CFAP47: variants seen among roughly 807,000 people sequenced by gnomAD.
CFAP47 encodes cilia and flagella associated protein 47.
CFAP47 carries 29 observed loss-of-function variants against 148.1 expected under a neutral mutation model. The ratio of observed to expected loss-of-function variants is 0.20; its 90% CI spans 0.15 to 0.27. The LOEUF (loss-of-function observed/expected upper bound fraction) is 0.27. Among genes scored for constraint, CFAP47 ranks in the 10% least tolerant of loss-of-function variants. The probability of loss-of-function intolerance (pLI) is 1.00; values close to 1 mark genes in which losing one functional copy is unlikely to be tolerated. For missense variants in CFAP47, 1,872 were observed against 1,697.5 expected, an observed-to-expected ratio of 1.10 and a Z score of -1.81; for synonymous variants, 664 against 577.3, an observed-to-expected ratio of 1.15 and a Z score of -2.15.
chrX:36,205,955 T>G (rs942510251), intron 45 of CFAP47, among the ~76,000 whole-genome samples: 3 of 111,516 alleles, frequency 2.7e-5, no homozygotes, highest in Admixed American at 1.9e-4. Flanking sequence ...CCTGAAAGGG[T>G]GATTACAACT....
At chrX:36,185,789 G>T (rs1569283669) in intron 40 of CFAP47, among the ~76,000 whole-genome samples, 1 of 111,408 alleles carries the variant, frequency 9.0e-6, no homozygotes, top group Non-Finnish European at 1.9e-5. Context: ...CTTATTATGT[G>T]CTCATATGAC....
At chrX:36,035,222 A>G (rs1405085001) in intron 23 of CFAP47, among the ~76,000 whole-genome samples, 1 of 111,790 alleles carries the variant, frequency 8.9e-6, no homozygotes, top group Non-Finnish European at 1.9e-5. Flanking sequence ...TTTATCACCT[A>G]GAGTACATTA....
intron 63 of CFAP47, 153 bp downstream of exon 63, chrX:36,379,671 T>C: frequency 2.1e-6 from 1 of 467,626 alleles, no homozygotes; most frequent in Non-Finnish European, 3.7e-6. Flanking sequence ...CATCTTGGTT[T>C]ACCTTTCTTT....
chrX:36,371,902 GTATA>G (rs782638320), intron 62 of CFAP47, among the ~76,000 whole-genome samples: 3 of 74,796 alleles, frequency 4.0e-5, no homozygotes, highest in African/African-American at 2.3e-4. Context: ...ACACACATGT[GTATA>G]TATGTGTGTA....
chrX:35,950,618 C>A (rs775682506), intron 4 of CFAP47, among the ~76,000 whole-genome samples: 119 of 111,025 alleles, frequency 1.1e-3, no homozygotes, highest in African/African-American at 3.8e-3. Flanking sequence ...AAGCAATTCT[C>A]CCTCCTTGGC....
chrX:35,972,986 C>T (rs1429922153), intron 13 of CFAP47, among the ~76,000 whole-genome samples: 1 of 111,802 alleles, frequency 8.9e-6, no homozygotes, highest in Non-Finnish European at 1.9e-5. Context: ...AGTTCTTCAA[C>T]ATTCTCACCA....
chrX:36,001,019 A>G (rs1359400918), intron 20 of CFAP47, among the ~76,000 whole-genome samples: 2 of 111,731 alleles, frequency 1.8e-5, no homozygotes, highest in Non-Finnish European at 3.8e-5. Flanking sequence ...GATAGGAACC[A>G]TATGTCTCAC....
chrX:36,036,449 C>T (rs530614922), intron 24 of CFAP47, among the ~76,000 whole-genome samples: 2 of 110,606 alleles, frequency 1.8e-5, no homozygotes, highest in Admixed American at 9.7e-5. Context: ...TCTTTATCCA[C>T]TCATCCATCA....
intron 15 of CFAP47, among the ~76,000 whole-genome samples, chrX:35,980,291 C>G (rs555328810): frequency 2.1e-4 from 23 of 112,037 alleles, no homozygotes; most frequent in African/African-American, 7.1e-4. Flanking sequence ...AAATATATAA[C>G]TGTGCTCATT....
In CFAP47 at chrX:35,991,669, G is replaced by A. The variant is rs1370547886; in HGVS notation, c.2845-152G>A. Among the ~76,000 whole-genome samples, 8 of 110,637 alleles carry A rather than the reference G, an allele frequency of 7.2e-5. No homozygotes were observed. In the Admixed American group the frequency reaches 7.7e-4, roughly 11 times the overall value. On this transcript the variant is annotated intron_variant, in intron 16 of 63. Coordinates refer to ENST00000378653, the MANE Select transcript of CFAP47 (RefSeq NM_001304548.2). ...TAGAACATACTGAATAAAGAATATAGGAGTATTATAATTTTTATTTTCTTT... is the reference window on the plus strand; with the variant it reads ...TAGAACATACTGAATAAAGAATATAAGAGTATTATAATTTTTATTTTCTTT...
intron 13 of CFAP47, among the ~76,000 whole-genome samples, chrX:35,972,964 A>G (rs991745946): frequency 6.3e-5 from 7 of 111,898 alleles, no homozygotes; most frequent in African/African-American, 2.0e-4. Flanking sequence ...TCAGCAATGT[A>G]TAAGGGTTAC....
chrX:36,219,529 T>G (rs1940193501), intron 45 of CFAP47, among the ~76,000 whole-genome samples: 1 of 111,244 alleles, frequency 9.0e-6, no homozygotes, highest in South Asian at 3.8e-4. Flanking sequence ...GACAAGAGTT[T>G]ATTGTGAAAG....
In CFAP47 at chrX:36,379,459, A is replaced by G. The variant is rs782179597; in HGVS notation, c.9295A>G (p.Thr3099Ala). The G allele has an allele frequency of 4.8e-5, 56 of 1,163,268 alleles. No homozygotes were observed. Among genetic ancestry groups the G allele is most frequent in the Non-Finnish European group, 6.2e-5 (54 of 869,970 alleles). ...TTTTAACACAAACGGAACTCTCATCACTGTAGGATTTAAACCTAAAATGTA... is the reference window on the plus strand; with the variant it reads ...TTTTAACACAAACGGAACTCTCATCGCTGTAGGATTTAAACCTAAAATGTA... Reference protein sequence around the residue: ...LPFNTNGTLITVGFKPKMYCR... With the variant: ...LPFNTNGTLIAVGFKPKMYCR... Residue 3099 changes from threonine (T) to alanine (A), a missense_variant, in exon 63 of 64, where the codon ACT becomes GCT. Thr to Ala is a moderately conservative substitution (Grantham distance 58, BLOSUM62 0). Transcript: ENST00000378653.
At chrX:36,228,196 G>A (rs782446704) in intron 45 of CFAP47, among the ~76,000 whole-genome samples, 43 of 111,392 alleles carry the variant, frequency 3.9e-4, no homozygotes, top group Non-Finnish European at 6.6e-4. Context: ...TTCTATCTCA[G>A]CCCCCTTTCT....
chrX:36,320,256 T>C (rs1253048041), intron 57 of CFAP47, among the ~76,000 whole-genome samples: 1 of 112,377 alleles, frequency 8.9e-6, no homozygotes, highest in Non-Finnish European at 1.9e-5. Context: ...ATAACAATGT[T>C]TTAAAAATAT....
At position 35,993,214 on chromosome X, in the gene CFAP47, A is replaced by G. The variant is rs1417842872; in HGVS notation, c.2992A>G (p.Ile998Val). The change falls in exon 18 of 64, where the codon ATC (isoleucine) becomes GTC (valine). Residue 998 changes from isoleucine to valine, a missense_variant. Ile to Val is a conservative substitution (Grantham distance 29). Coordinates refer to ENST00000378653, the MANE Select transcript of CFAP47 (RefSeq NM_001304548.2). ...FKVCSQSLLPIINIIPSQGIV... is the reference protein window; with the variant it reads ...FKVCSQSLLPVINIIPSQGIV... ...GGTTTGTAGTCAGAGTCTTTTGCCTATCATTAATATTATTCCATCGCAAGG... is the reference window on the plus strand; with the variant it reads ...GGTTTGTAGTCAGAGTCTTTTGCCTGTCATTAATATTATTCCATCGCAAGG... 10 of 294,377 alleles carry G rather than the reference A, an allele frequency of 3.4e-5. No individual in the cohort carries two copies. The highest frequency in any genetic ancestry group is 4.7e-5 in the Non-Finnish European group (8 of 168,993). The allele number at this position is 294,377 out of a possible 1,213,427, so 24.3% of individuals were successfully genotyped here. A position where few individuals can be genotyped will look rare whatever the true frequency, so the allele number is the denominator to read the frequency against.
At chrX:36,076,400 C>CT (rs748420524) in intron 29 of CFAP47, among the ~76,000 whole-genome samples, 18 of 96,565 alleles carry the variant, frequency 1.9e-4, no homozygotes, top group Non-Finnish European at 3.1e-4. Context: ...ACAAACATCT[C>CT]TTTTTTTTGC....
chrX:36,340,563 CTG>C (rs1377796488), intron 57 of CFAP47, among the ~76,000 whole-genome samples: 1 of 111,541 alleles, frequency 9.0e-6, no homozygotes, highest in African/African-American at 3.3e-5. Context: ...CAGTGTCTCT[CTG>C]TGTTCAAATT....
rs1026434558 is a variant in CFAP47, at chrX:36,350,765, T to C, written c.8698+633T>C. ...GTGTTCTCTTTCCTCAATACTCTTC[T>C]CACTTCTTTTGCATTCCTTGATTTT... On this transcript the variant is annotated intron_variant, in intron 59 of 63. Coordinates refer to ENST00000378653, the MANE Select transcript of CFAP47 (RefSeq NM_001304548.2). Among the ~76,000 whole-genome samples the C allele has an allele frequency of 3.7e-5, 4 of 109,344 alleles. No individual in the cohort carries two copies. In the South Asian group the frequency reaches 1.6e-3, roughly 44 times the overall value. The allele number at this position is 109,344 out of a possible 115,157, so 95.0% of individuals were successfully genotyped here. A position where few individuals can be genotyped will look rare whatever the true frequency, so the allele number is the denominator to read the frequency against.
Sources: allele counts gnomAD v4.1 joint callset (sites outside exome capture counted in the v4.1 genomes callset), GRCh38; gene constraint gnomAD v4.1.1; transcripts MANE v1.5; gene names NCBI Gene and HGNC (gene_info 2026-07-23, HGNC 2026-07-21).